Variants in CELSR1 observed in about 807,000 individuals in gnomAD.
CELSR1 encodes cadherin EGF LAG seven-pass G-type receptor 1.
A neutral mutation model predicts 249.1 loss-of-function variants in CELSR1; 110 were observed. The ratio of observed to expected loss-of-function variants is 0.44; its 90% confidence interval spans 0.38 to 0.52. CELSR1 has a LOEUF of 0.52. CELSR1 is among the 20% of genes least tolerant of loss of function. CELSR1 has a pLI of 0.00. For synonymous variants in CELSR1, 2,113 were observed against 1,900.0 expected, an observed-to-expected ratio of 1.11 and a Z score of -2.92; for missense variants, 4,109 against 4,296.4, an observed-to-expected ratio of 0.96 and a Z score of 1.22.
In CELSR1 at chr22:46,441,878, G is replaced by A. The variant is rs770718727; in HGVS notation, c.4184-2467C>T. Among the ~76,000 whole-genome samples the A allele has an allele frequency of 6.6e-5, 10 of 152,244 alleles. No individual in the cohort carries two copies. The highest frequency in any genetic ancestry group is 1.5e-4 in the Non-Finnish European group (10 of 68,044). ...CATTTTTAAAAATAAAGAGATCACG[G>A]TGGCTCACGCCTGTAACCCCAGCAC... On this transcript the variant is annotated intron_variant, in intron 2 of 34. Transcript: ENST00000674500. The surrounding 1 kb of genome is among the most constrained non-coding windows in gnomAD (Gnocchi z 6.1).
intron 1 of CELSR1, among the ~76,000 whole-genome samples, chr22:46,503,135 C>G (rs1321601805): frequency 6.6e-6 from 1 of 152,188 alleles, no homozygotes; most frequent in Non-Finnish European, 1.5e-5. Flanking sequence ...CTCAGATGGA[C>G]AAGACTCAGC....
intron 1 of CELSR1, among the ~76,000 whole-genome samples, chr22:46,495,197 T>G (rs2080401942): frequency 6.6e-6 from 1 of 152,200 alleles, no homozygotes; most frequent in South Asian, 2.1e-4. Context: ...TAGACATGGC[T>G]GGTACAGCCT....
chr22:46,511,273 G>C (rs1009325057), intron 1 of CELSR1, among the ~76,000 whole-genome samples: 1 of 152,146 alleles, frequency 6.6e-6, no homozygotes, highest in African/African-American at 2.4e-5. Context: ...CATGCAACAA[G>C]GGCACACCTG....
At position 46,468,917 on chromosome 22, in the gene CELSR1, A is replaced by C. The variant is rs917314614; in HGVS notation, c.3545-4572T>G. ...TGGTGAAACCCTGTCTCTACTAAAA[A>C]TACAAAAAGCTAGTTGGGCGTGGTG... On this transcript the variant is annotated intron_variant, in intron 1 of 34. Coordinates refer to ENST00000674500, the MANE Select transcript of CELSR1 (RefSeq NM_001378328.1). This position sits in a 1 kb window ranked among gnomAD's most constrained non-coding sequence, Gnocchi z 4.5. 6.6e-6 allele frequency among the ~76,000 whole-genome samples: 1 copy of C among 152,124 alleles called. No individual in the cohort carries two copies. Among genetic ancestry groups the C allele is most frequent in the African/African-American group, 2.4e-5 (1 of 41,420 alleles).
rs915659659 is a variant in CELSR1 at position 46,404,835 on chromosome 22, C to CT, written c.5226+4160dup. ...AACTTTTCACCTTTTTCTATTTTGTCTTTTTTTTGAGACAGTTTCGCTCTT... is the reference window on the plus strand; with the variant it reads ...AACTTTTCACCTTTTTCTATTTTGTCTTTTTTTTTGAGACAGTTTCGCTCTT... On this transcript the variant is annotated intron_variant, in intron 9 of 34. Coordinates refer to ENST00000674500, the MANE Select transcript of CELSR1 (RefSeq NM_001378328.1). 5.1e-4 allele frequency among the ~76,000 whole-genome samples: 77 copies of CT among 151,886 alleles called. No homozygotes were observed. In the East Asian group the frequency reaches 0.01, roughly 20 times the overall value.
chr22:46,478,590 T>TA (rs2080234300), intron 1 of CELSR1, among the ~76,000 whole-genome samples: 1 of 151,598 alleles, frequency 6.6e-6, no homozygotes. Context: ...TCGCCCAGTC[T>TA]AAAGTGCAGT....
At chr22:46,496,200 CA>C (rs3081584) in intron 1 of CELSR1, among the ~76,000 whole-genome samples, 23,224 of 143,710 alleles carry the variant, frequency 0.16, 1,713 homozygotes, top group South Asian at 0.22. Context: ...GACTTTGTCT[CA>C]AAAAAAAAAA....
chr22:46,460,225 T>C (rs2080008970), intron 2 of CELSR1, among the ~76,000 whole-genome samples: 1 of 128,314 alleles, frequency 7.8e-6, no homozygotes, highest in African/African-American at 2.8e-5. Flanking sequence ...ACCCATTAGC[T>C]ACAGTCCCTG....
intron 1 of CELSR1, among the ~76,000 whole-genome samples, chr22:46,520,210 G>A (rs966829916): frequency 7.2e-5 from 11 of 152,084 alleles, no homozygotes; most frequent in African/African-American, 1.9e-4. Flanking sequence ...CATGGTCTAA[G>A]AGCACAGGAA....
chr22:46,397,707 C>A lies in CELSR1; in HGVS notation c.5668G>T (p.Ala1890Ser). ...CAGACGCAGCTGTAGTCCTCCCAGG[C>A]GTCGTGGCAGCGGCTATTGGGGGGA... ...PCPPNSRCHD[A>S]WEDYSCVCDK... Residue 1890 changes from alanine to serine, a missense_variant, in exon 12 of 35, where the codon GCC becomes TCC. By Grantham distance (99) the Ala-to-Ser change is moderately conservative. Coordinates refer to ENST00000674500, the MANE Select transcript of CELSR1 (RefSeq NM_001378328.1). 2 of 1,569,882 alleles carry A rather than the reference C, an allele frequency of 1.3e-6. No homozygotes were observed. The highest frequency in any genetic ancestry group is 8.7e-7 in the Non-Finnish European group (1 of 1,155,876).
intron 1 of CELSR1, among the ~76,000 whole-genome samples, chr22:46,509,101 C>G (rs2080545834): frequency 6.6e-6 from 1 of 152,226 alleles, no homozygotes; most frequent in South Asian, 2.1e-4. Flanking sequence ...TCTGGCACCC[C>G]TCCAGTGCCC....
chr22:46,366,263 C>CACGGGGGGAGGAGAGGTGCACGGG, intron 30 of CELSR1, 123 bp downstream of exon 30: 2 of 278,304 alleles, frequency 7.2e-6, no homozygotes, highest in South Asian at 4.4e-5. Flanking sequence ...GAAGAAGGTG[C>CACGGGGGGAGGAGAGGTGCACGGG]GGGTGGAAAG....
chr22:46,527,878 C>T lies in CELSR1; in HGVS notation c.3544+5749G>A, dbSNP rs35877021. ...TGGGAGGCTGAGGCGGGCGGATAGC[C>T]TGAGGTCAGGAGTTGGAGACCAGCC... On this transcript the variant is annotated intron_variant, in intron 1 of 34. Coordinates refer to ENST00000674500, the MANE Select transcript of CELSR1 (RefSeq NM_001378328.1). This position sits in a 1 kb window ranked among gnomAD's most constrained non-coding sequence, Gnocchi z 5.5. 2.0e-5 allele frequency among the ~76,000 whole-genome samples: 3 copies of T among 152,170 alleles called. No individual in the cohort carries two copies. The highest frequency in any genetic ancestry group is 7.2e-5 in the African/African-American group (3 of 41,496).
At chr22:46,466,554 G>C (rs1244687758) in intron 1 of CELSR1, among the ~76,000 whole-genome samples, 1 of 152,304 alleles carries the variant, frequency 6.6e-6, no homozygotes, top group East Asian at 1.9e-4. Flanking sequence ...GGAGGACCCG[G>C]ACACCACAGA....
intron 1 of CELSR1, 117 bp downstream of exon 1, chr22:46,533,510 G>C (rs1470989772): frequency 1.4e-6 from 2 of 1,415,604 alleles, no homozygotes; most frequent in Non-Finnish European, 9.4e-7. Flanking sequence ...TCCTTGCAGA[G>C]TTGCCCGGGC....
Position 46,535,920 on chromosome 22 carries a change from C to T in CELSR1, c.1251G>A (p.Arg417=). The stretch of plus-strand genomic sequence containing the variant: ...GGAGCTGGTACTCGGCCGCCTCCTC[C>T]CGGTCCAGCACCGCCCGTGTGCTCA... ...GVVSTRAVLD[R]EEAAEYQLLV... is the part of the protein sequence containing the mutation. Residue 417 remains arginine (R), a synonymous_variant, in exon 1 of 35, where the codon CGG becomes CGA. Coordinates refer to ENST00000674500, the MANE Select transcript of CELSR1 (RefSeq NM_001378328.1). 2 of 1,609,320 alleles carry T rather than the reference C, an allele frequency of 1.2e-6. No individual in the cohort carries two copies. The highest frequency in any genetic ancestry group is 1.1e-5 in the South Asian group (1 of 91,038).
intron 29 of CELSR1, 114 bp from the exon 30 acceptor site, chr22:46,366,594 C>T: frequency 1.2e-6 from 1 of 835,774 alleles, no homozygotes; most frequent in East Asian, 2.7e-5. Flanking sequence ...GGCTGGGCCC[C>T]TGCCTGGCAC....
rs751331634 is a variant in CELSR1 at position 46,536,060 on chromosome 22, C to G, written c.1111G>C (p.Glu371Gln). The G allele has an allele frequency of 1.9e-6, 3 of 1,610,872 alleles. No homozygotes were observed. Among genetic ancestry groups the G allele is most frequent in the African/African-American group, 2.7e-5 (2 of 74,942 alleles). ...RVRENLEVGY[E>Q]VLTIRASDRD... ...TCGCTGGCGCGGATGGTCAGCACCT[C>G]GTAGCCCACCTCCAGGTTCTCCCGC... The change falls in exon 1 of 35, where the codon GAG (glutamate) becomes CAG (glutamine). Residue 371 changes from glutamate (E) to glutamine (Q), a missense_variant. Coordinates refer to ENST00000674500, the MANE Select transcript of CELSR1 (RefSeq NM_001378328.1).
Position 46,386,435 on chromosome 22 carries a change from G to GGTACGTCCGCCGCAC in CELSR1, c.6691_6705dup (p.Val2231_Tyr2235dup). 6.3e-7 allele frequency: 1 copy of GGTACGTCCGCCGCAC among 1,594,412 alleles called. No individual in the cohort carries two copies. Among genetic ancestry groups the GGTACGTCCGCCGCAC allele is most frequent in the Non-Finnish European group, 8.5e-7 (1 of 1,171,240 alleles). Reference sequence around the variant, plus strand: ...GCGGTGACGATGACGAAGGGCCGCAGGTACGTCCGCCGCACGTTGCGTGCC... The same window carrying GGTACGTCCGCCGCAC: ...GCGGTGACGATGACGAAGGGCCGCAGGTACGTCCGCCGCACGTACGTCCGCCGCACGTTGCGTGCC... On this transcript the variant is annotated inframe_insertion, in exon 19 of 35. Transcript: ENST00000674500.
Sources: gnomAD v4.1 joint callset for allele counts (sites outside exome capture counted in the v4.1 genomes callset) on GRCh38, gnomAD v4.1.1 for gene constraint, Gnocchi (gnomAD v3.1) non-coding constraint, MANE v1.5 for transcripts, NCBI Gene and HGNC (gene_info 2026-07-23, HGNC 2026-07-21) for gene names.